The following GPR107 variants were observed in gnomAD, a reference collection of about 807,000 sequenced individuals.
GPR107 encodes protein GPR107.
GPR107 carries 31 observed loss-of-function variants against 75.5 expected under a neutral mutation model. The observed-to-expected ratio is 0.41, with a 90% CI of 0.31 to 0.55. The LOEUF (loss-of-function observed/expected upper bound fraction) is 0.55. Ranked by LOEUF, GPR107 falls within the 20% of genes least tolerant of loss-of-function variation. The pLI is 0.26. For missense variants in GPR107, 572 were observed against 665.7 expected, an observed-to-expected ratio of 0.86 and a Z score of 1.55; for synonymous variants, 267 against 251.3, an observed-to-expected ratio of 1.06 and a Z score of -0.59.
intron 14 of GPR107, among the ~76,000 whole-genome samples, chr9:130,116,645 G>A (rs765317707): frequency 8.5e-5 from 13 of 152,128 alleles, no homozygotes; most frequent in African/African-American, 2.9e-4. Flanking sequence ...TGAGATCAGC[G>A]TGGCCCTTTG....
At chr9:130,078,295 G>T (rs1300237486) in intron 4 of GPR107, among the ~76,000 whole-genome samples, 1 of 152,074 alleles carries the variant, frequency 6.6e-6, no homozygotes, top group Non-Finnish European at 1.5e-5. Flanking sequence ...GCTCAGACTT[G>T]CCTGTAAGGT....
At position 130,128,717 on chromosome 9, in the gene GPR107, C is replaced by G; in HGVS notation, c.1518C>G (p.Tyr506Ter). 1 of 1,612,184 alleles carries G rather than the reference C, an allele frequency of 6.2e-7. No homozygotes were observed. Among genetic ancestry groups the G allele is most frequent in the Admixed American group, 1.7e-5 (1 of 60,024 alleles). The change falls in exon 17 of 18, where the codon TAC (tyrosine) becomes TAG (stop). Residue 506 changes from tyrosine to a stop codon, truncating the protein, a stop_gained. Transcript: ENST00000347136. LOFTEE classifies it high-confidence loss of function. ...TCCGTCCGGCTTCAGATAACCCCTA[C>G]CTACAACTTTCTCAGGAAGAAGAAG... ...YKFRPASDNPYLQLSQEEEDL... is the reference protein window; with the variant it reads ...YKFRPASDNP
In GPR107 at chr9:130,112,240, A is replaced by G. The variant is rs1831326373; in HGVS notation, c.1306+4701A>G. Among the ~76,000 whole-genome samples the G allele has an allele frequency of 6.6e-6, 1 of 152,230 alleles. No individual in the cohort carries two copies. The highest frequency in any genetic ancestry group is 1.5e-5 in the Non-Finnish European group (1 of 68,040). ...TAAACAATCCCGGTTGGCTGGCTGCAGAGTTGATGGAGGAACGGCTTCATT... is the reference window on the plus strand; with the variant it reads ...TAAACAATCCCGGTTGGCTGGCTGCGGAGTTGATGGAGGAACGGCTTCATT... On this transcript the variant is annotated intron_variant, in intron 14 of 17. Coordinates refer to ENST00000347136, the MANE Select transcript of GPR107 (RefSeq NM_020960.5). This position sits in a 1 kb window ranked among gnomAD's most constrained non-coding sequence, Gnocchi z 4.0.
At chr9:130,083,638 TGGA>T in intron 6 of GPR107, 36 bp downstream of exon 6, 1 of 1,354,398 alleles carries the variant, frequency 7.4e-7, no homozygotes, top group African/African-American at 1.5e-5. Flanking sequence ...TCAGCTTTTC[TGGA>T]TATGTGTGTA....
At chr9:130,108,311 T>C (rs1286293037) in intron 14 of GPR107, among the ~76,000 whole-genome samples, 1 of 152,258 alleles carries the variant, frequency 6.6e-6, no homozygotes, top group Non-Finnish European at 1.5e-5. Flanking sequence ...TAAAACAGGT[T>C]TTTGTTAATA....
intron 14 of GPR107, among the ~76,000 whole-genome samples, chr9:130,108,174 T>C (rs1423613870): frequency 6.6e-6 from 1 of 152,204 alleles, no homozygotes; most frequent in Non-Finnish European, 1.5e-5. Flanking sequence ...CAAGTGAGAA[T>C]TTCAGACCAC....
At chr9:130,089,007 A>C (rs1830673667) in intron 7 of GPR107, among the ~76,000 whole-genome samples, 1 of 151,822 alleles carries the variant, frequency 6.6e-6, no homozygotes, top group South Asian at 2.1e-4. Context: ...TAAATAAATA[A>C]ATACAAAAAA....
chr9:130,080,742 C>T (rs967036774), intron 5 of GPR107, among the ~76,000 whole-genome samples: 4 of 151,768 alleles, frequency 2.6e-5, no homozygotes, highest in African/African-American at 7.2e-5. Flanking sequence ...CCGCCCGCCT[C>T]GGCCTCCCAA....
At chr9:130,074,168 G>T (rs1444186407) in intron 1 of GPR107, among the ~76,000 whole-genome samples, 1 of 152,190 alleles carries the variant, frequency 6.6e-6, no homozygotes, top group South Asian at 2.1e-4. Context: ...ATAATCTAGG[G>T]CTGTCAAAAA....
intron 1 of GPR107, among the ~76,000 whole-genome samples, chr9:130,071,573 TCAGAAATCATAGGTA>T (rs1318725599): frequency 1.3e-5 from 2 of 152,070 alleles, no homozygotes. Context: ...TGAGCGAGGG[TCAGAAATCATAGGTA>T]AAGCCCTTGG....
Position 130,100,556 on chromosome 9 carries a change from G to A in GPR107, c.940-73G>A, listed in dbSNP as rs1460760261. On this transcript the variant is annotated intron_variant, in intron 10 of 17. Coordinates refer to ENST00000347136, the MANE Select transcript of GPR107 (RefSeq NM_020960.5). ...ATGATTTGGATAATTTCCCAAATGG[G>A]TCCAAGTTAAAAGATTCTTTGTGGA... 8 of 1,075,334 alleles carry A rather than the reference G, an allele frequency of 7.4e-6. No individual in the cohort carries two copies. In the African/African-American group the frequency reaches 1.1e-4, roughly 15 times the overall value. The allele number at this position is 1,075,334 out of a possible 1,614,324, so 66.6% of individuals were successfully genotyped here. A position where few individuals can be genotyped will look rare whatever the true frequency, so the allele number is the denominator to read the frequency against.
At chr9:130,123,307 C>G (rs767066900) in intron 14 of GPR107, among the ~76,000 whole-genome samples, 10 of 152,068 alleles carry the variant, frequency 6.6e-5, no homozygotes, top group Non-Finnish European at 1.5e-4. Flanking sequence ...CAGATTCAAG[C>G]AATTCTCCGT....
intron 12 of GPR107, among the ~76,000 whole-genome samples, chr9:130,102,810 G>C (rs1435111141): frequency 6.6e-6 from 1 of 152,130 alleles, no homozygotes; most frequent in East Asian, 1.9e-4. Flanking sequence ...CTTTTAGACA[G>C]GGTCTCACTC....
Position 130,136,290 on chromosome 9 carries a change from T to C in GPR107, c.*1169T>C, listed in dbSNP as rs1471196476. 6.6e-6 allele frequency: 1 copy of C among 152,216 alleles called. No individual in the cohort carries two copies. Among genetic ancestry groups the C allele is most frequent in the Non-Finnish European group, 1.5e-5 (1 of 68,038 alleles). The allele number at this position is 152,216 out of a possible 1,614,324, so 9.4% of individuals were successfully genotyped here. On this transcript the variant is annotated 3_prime_UTR_variant, in exon 18 of 18. Coordinates refer to ENST00000347136, the MANE Select transcript of GPR107 (RefSeq NM_020960.5). ...CCCTTCCACACTTCCAGAGCTTGAA[T>C]GAACACAGGTAGCCACCTAAATTGA...
rs1204977430 is a variant in GPR107, at chr9:130,136,175, G to A, written c.*1054G>A. ...CTTGGTCCCCATAGTCCAAGAGTATGTATGTGAAGAAAGTGAGCATGATTC... is the reference window on the plus strand; with the variant it reads ...CTTGGTCCCCATAGTCCAAGAGTATATATGTGAAGAAAGTGAGCATGATTC... On this transcript the variant is annotated 3_prime_UTR_variant, in exon 18 of 18. Coordinates refer to ENST00000347136, the MANE Select transcript of GPR107 (RefSeq NM_020960.5). 1.3e-5 allele frequency: 2 copies of A among 152,240 alleles called. No individual in the cohort carries two copies. The highest frequency in any genetic ancestry group is 4.8e-5 in the African/African-American group (2 of 41,472). 9.4% of individuals were successfully genotyped at this position (152,240 alleles called of 1,614,324 possible).
At chr9:130,120,221 G>A (rs553289687) in intron 14 of GPR107, among the ~76,000 whole-genome samples, 8 of 152,326 alleles carry the variant, frequency 5.3e-5, no homozygotes, top group East Asian at 1.9e-4. Flanking sequence ...CATCTGCGCC[G>A]TGGTGATGTT....
intron 1 of GPR107, 90 bp downstream of exon 1, chr9:130,054,163 C>A: frequency 8.3e-7 from 1 of 1,200,630 alleles, no homozygotes; most frequent in Non-Finnish European, 1.1e-6. Context: ...GACCTCTGAG[C>A]CACTGGACCA....
intron 1 of GPR107, among the ~76,000 whole-genome samples, chr9:130,058,711 C>T (rs957984445): frequency 1.3e-5 from 2 of 152,072 alleles, no homozygotes; most frequent in Admixed American, 6.6e-5. Context: ...GCAGTCCGCC[C>T]GCCTCGGCCT....
In GPR107 at chr9:130,110,227, T is replaced by G. The variant is rs553691487; in HGVS notation, c.1306+2688T>G. 2.1e-5 allele frequency: 13 copies of G among 632,018 alleles called. No homozygotes were observed. In the East Asian group the frequency reaches 2.5e-4, roughly 12 times the overall value. 39.2% of individuals were successfully genotyped at this position (632,018 alleles called of 1,614,324 possible). On this transcript the variant is annotated intron_variant, in intron 14 of 17. Transcript: ENST00000347136. Reference sequence around the variant, plus strand: ...CTGAGGATCTTAGTAAGGTGCTCTGTCTGGAGTAGATGGCACAGCAGGTGA... The same window carrying G: ...CTGAGGATCTTAGTAAGGTGCTCTGGCTGGAGTAGATGGCACAGCAGGTGA...
Sources: gnomAD v4.1 joint callset for allele counts (sites outside exome capture counted in the v4.1 genomes callset) on GRCh38, gnomAD v4.1.1 for gene constraint, Gnocchi (gnomAD v3.1) non-coding constraint, MANE v1.5 for transcripts, NCBI Gene and HGNC (gene_info 2026-07-23, HGNC 2026-07-21) for gene names.